Variants in SIPA1L2 observed in about 807,000 individuals in gnomAD.
SIPA1L2 encodes the protein signal-induced proliferation-associated 1-like protein 2.
A neutral mutation model predicts 163.9 loss-of-function variants in SIPA1L2; 56 were observed. The observed-to-expected ratio is 0.34, with a 90% CI of 0.28 to 0.43. The LOEUF is 0.43. SIPA1L2 is among the 20% of genes least tolerant of loss of function. The probability of loss-of-function intolerance (pLI) is 1.00; values close to 1 mark genes in which losing one functional copy is unlikely to be tolerated. For synonymous variants in SIPA1L2, 877 were observed against 865.7 expected (o/e 1.01, Z -0.23); for missense variants, 1,974 against 2,193.5 (o/e 0.90, Z 2.00).
At chr1:232,430,462 T>C (rs1662163533) in intron 16 of SIPA1L2, among the ~76,000 whole-genome samples, 1 of 152,278 alleles carries the variant, frequency 6.6e-6, no homozygotes, top group African/African-American at 2.4e-5. Flanking sequence ...GTGAAACTTC[T>C]GGAGAGCACA....
At position 232,404,255 on chromosome 1, in the gene SIPA1L2, C is replaced by A. The variant is rs531264048; in HGVS notation, c.4763-77G>T. On this transcript the variant is annotated intron_variant, in intron 19 of 22. Transcript: ENST00000674635. ...GAGAATCTCGGGGGCCCACAAAATG[C>A]GGCTGTGTGAAGTAGTGTGTGTGTG... The A allele has an allele frequency of 2.9e-6, 4 of 1,375,900 alleles. No homozygotes were observed. In the South Asian group the frequency reaches 4.9e-5, roughly 17 times the overall value. 85.2% of individuals were successfully genotyped at this position (1,375,900 alleles called of 1,614,324 possible).
chr1:232,414,122 G>T lies in SIPA1L2; in HGVS notation c.4762+1372C>A, dbSNP rs139285000. Among the ~76,000 whole-genome samples the T allele has an allele frequency of 3.2e-3, 492 of 152,270 alleles. 1 individual carries two copies. The highest frequency in any genetic ancestry group is 0.011 in the African/African-American group (465 of 41,554). On this transcript the variant is annotated intron_variant, in intron 19 of 22. Transcript: ENST00000674635. ...CCCCACAAGGCAGACAGGCAGACAG[G>T]GCTCTTCTGAAATTTCTACAAGGAC...
In SIPA1L2 at chr1:232,398,413, C is replaced by T. The variant is rs541928421; in HGVS notation, c.*714G>A. On this transcript the variant is annotated 3_prime_UTR_variant, in exon 23 of 23. Coordinates refer to ENST00000674635, the MANE Select transcript of SIPA1L2 (RefSeq NM_020808.5). ...AACTAAGAGTTGAAGTGACTACTGACCACTCGGTGAGCCATTTACAAGGCA... is the reference window on the plus strand; with the variant it reads ...AACTAAGAGTTGAAGTGACTACTGATCACTCGGTGAGCCATTTACAAGGCA... 1 of 152,702 alleles carries T rather than the reference C, an allele frequency of 6.5e-6. No individual in the cohort carries two copies. Among genetic ancestry groups the T allele is most frequent in the Admixed American group, 6.5e-5 (1 of 15,306 alleles). The allele number at this position is 152,702 out of a possible 1,614,324, so 9.5% of individuals were successfully genotyped here. A position where few individuals can be genotyped will look rare whatever the true frequency, so the allele number is the denominator to read the frequency against.
At chr1:232,504,971 T>C (rs1316707909) in intron 3 of SIPA1L2, among the ~76,000 whole-genome samples, 1 of 152,058 alleles carries the variant, frequency 6.6e-6, no homozygotes, top group Admixed American at 6.6e-5. Flanking sequence ...ATTACAAAAA[T>C]TAATTAATAC....
At chr1:232,501,350 T>C (rs1295319466) in intron 3 of SIPA1L2, among the ~76,000 whole-genome samples, 2 of 152,136 alleles carry the variant, frequency 1.3e-5, no homozygotes, top group African/African-American at 4.8e-5. Context: ...TGCGACTCAC[T>C]TTATTACAAT....
In SIPA1L2 at chr1:232,562,452, G is replaced by A. The variant is rs141457812; in HGVS notation, c.-270+11722C>T. 1.9e-3 allele frequency among the ~76,000 whole-genome samples: 292 copies of A among 152,162 alleles called. 2 individuals are homozygous for A. Among genetic ancestry groups the A allele is most frequent in the East Asian group, 3.5e-3 (18 of 5,184 alleles). On this transcript the variant is annotated intron_variant, in intron 2 of 22. Coordinates refer to ENST00000674635, the MANE Select transcript of SIPA1L2 (RefSeq NM_020808.5). ...AGCTACACAGGAATTCTAACACACC[G>A]CCTATTAGAGCATTTTAATGGAAGG...
intron 3 of SIPA1L2, among the ~76,000 whole-genome samples, chr1:232,502,199 A>C (rs1666516019): frequency 6.6e-6 from 1 of 152,192 alleles, no homozygotes; most frequent in South Asian, 2.1e-4. Context: ...CCGGCTCCTA[A>C]TGTATCTAAT....
chr1:232,467,286 T>C lies in SIPA1L2; in HGVS notation c.2244-1870A>G, dbSNP rs79720249. Among the ~76,000 whole-genome samples the C allele has an allele frequency of 1.1e-3, 171 of 152,264 alleles. 1 individual carries two copies. Among genetic ancestry groups the C allele is most frequent in the African/African-American group, 3.5e-3 (147 of 41,544 alleles). On this transcript the variant is annotated intron_variant, in intron 8 of 22. Coordinates refer to ENST00000674635, the MANE Select transcript of SIPA1L2 (RefSeq NM_020808.5). ...AATAGCACCTAGTGGTGCTTTATGG[T>C]AGTATATATACCATACCAGAGGGTA...
At chr1:232,516,434 A>G (rs948833700) in intron 2 of SIPA1L2, among the ~76,000 whole-genome samples, 3 of 152,210 alleles carry the variant, frequency 2.0e-5, no homozygotes, top group Admixed American at 2.0e-4. Flanking sequence ...TTTAAACACA[A>G]TAATTCTAAG....
chr1:232,550,087 C>A (rs1032097166), intron 2 of SIPA1L2, among the ~76,000 whole-genome samples: 4 of 152,174 alleles, frequency 2.6e-5, no homozygotes, highest in African/African-American at 7.2e-5. Context: ...ACTGTAACTA[C>A]CCACATCCAT....
chr1:232,563,955 T>TGTGTG (rs1558270699), intron 2 of SIPA1L2, among the ~76,000 whole-genome samples: 6 of 116,694 alleles, frequency 5.1e-5, no homozygotes, highest in African/African-American at 2.0e-4. Context: ...TTTTTTTTTT[T>TGTGTG]CGTGTGTGTG....
intron 2 of SIPA1L2, among the ~76,000 whole-genome samples, chr1:232,561,903 T>A (rs1001233377): frequency 6.6e-6 from 1 of 152,294 alleles, no homozygotes; most frequent in Non-Finnish European, 1.5e-5. Flanking sequence ...TGACTCTTGA[T>A]ATGGAGGCTT....
intron 6 of SIPA1L2, among the ~76,000 whole-genome samples, chr1:232,481,943 A>AT (rs1196571315): frequency 6.6e-6 from 1 of 152,178 alleles, no homozygotes; most frequent in Non-Finnish European, 1.5e-5. Context: ...TAGAAGGAAG[A>AT]TTTTTGTCTG....
intron 7 of SIPA1L2, 50 bp from the exon 8 acceptor site, chr1:232,471,578 A>T (rs751476966): frequency 1.6e-5 from 23 of 1,460,186 alleles, no homozygotes; most frequent in African/African-American, 2.9e-5. Flanking sequence ...TTTAAAACAA[A>T]ATATATATAT....
At chr1:232,416,359 G>T (rs1661263423) in intron 18 of SIPA1L2, among the ~76,000 whole-genome samples, 2 of 152,232 alleles carry the variant, frequency 1.3e-5, no homozygotes, top group Admixed American at 6.5e-5. Flanking sequence ...ACTAGTGAGA[G>T]GTTGGCCAGC....
In SIPA1L2 at chr1:232,598,963, C is replaced by CAAA. The variant is rs3028130; in HGVS notation, c.-318-24744_-318-24742dup. On this transcript the variant is annotated intron_variant, in intron 1 of 22. Transcript: ENST00000674635. ...CGTATGTGACAAACCCTCTACCCCT[C>CAAA]AAAAAAAAAAAAAAAAAAAACTTCC... is the stretch of plus-strand genomic sequence containing the variant. Among the ~76,000 whole-genome samples the CAAA allele has an allele frequency of 4.3e-3, 528 of 123,444 alleles. 9 individuals are homozygous for CAAA. Among genetic ancestry groups the CAAA allele is most frequent in the African/African-American group, 8.8e-3 (260 of 29,554 alleles). 81.0% of individuals were successfully genotyped at this position (123,444 alleles called of 152,430 possible). A position where few individuals can be genotyped will look rare whatever the true frequency, so the allele number is the denominator to read the frequency against.
At chr1:232,472,743 A>G (rs186942492) in intron 7 of SIPA1L2, among the ~76,000 whole-genome samples, 21 of 152,314 alleles carry the variant, frequency 1.4e-4, no homozygotes, top group Admixed American at 9.2e-4. Context: ...TTACCCTTAA[A>G]TTTATTTGGC....
At chr1:232,441,643 A>T (rs1662902757) in intron 13 of SIPA1L2, 125 bp downstream of exon 13, 1 of 869,580 alleles carries the variant, frequency 1.1e-6, no homozygotes, top group African/African-American at 1.7e-5. Flanking sequence ...GACCCAGCTG[A>T]TCACCTCAAC....
At chr1:232,432,588 C>T (rs1161788405) in intron 15 of SIPA1L2, 117 bp from the exon 16 acceptor site, 9 of 878,646 alleles carry the variant, frequency 1.0e-5, no homozygotes, top group African/African-American at 5.0e-5. Flanking sequence ...CAAAATCGGG[C>T]CCAGTGAGGC....
Sources: gnomAD v4.1 joint callset for allele counts (sites outside exome capture counted in the v4.1 genomes callset) on GRCh38, gnomAD v4.1.1 for gene constraint, MANE v1.5 for transcripts, NCBI Gene and HGNC (gene_info 2026-07-23, HGNC 2026-07-21) for gene names.